The following C6orf163 variants were observed in gnomAD, a reference collection of about 807,000 sequenced individuals.
C6orf163 encodes uncharacterized protein C6orf163.
In C6orf163, 22 loss-of-function variants were observed where a neutral mutation model predicts 28.4. The ratio of observed to expected loss-of-function variants is 0.78; its 90% CI spans 0.55 to 1.11. C6orf163 has a LOEUF of 1.11. Among genes scored for constraint, C6orf163 ranks in the 50% least tolerant of loss-of-function variants. The pLI, the probability that C6orf163 is intolerant of heterozygous loss-of-function variation, is 0.00. For synonymous variants in C6orf163, 110 were observed against 123.6 expected (o/e 0.89, Z 0.73); for missense variants, 342 against 389.1 (o/e 0.88, Z 1.02).
At chr6:87,348,113 A>G in intron 1 of C6orf163, 1 of 796,974 alleles carries the variant, frequency 1.3e-6, no homozygotes, top group Non-Finnish European at 1.5e-6. Flanking sequence ...CGAAATGGCG[A>G]CACTGCACTG....
At position 87,365,103 on chromosome 6, in the gene C6orf163, C is replaced by T; in HGVS notation, c.697C>T (p.Gln233Ter). 1 of 1,551,934 alleles carries T rather than the reference C, an allele frequency of 6.4e-7. No individual in the cohort carries two copies. The highest frequency in any genetic ancestry group is 8.7e-7 in the Non-Finnish European group (1 of 1,147,062). The change falls in exon 5 of 5, where the codon CAG (glutamine) becomes TAG (stop). Residue 233 changes from glutamine to a stop codon, truncating the protein, a stop_gained. Coordinates refer to ENST00000388923, the MANE Select transcript of C6orf163 (RefSeq NM_001010868.3). LOFTEE classifies it high-confidence loss of function. ...IAQRQRQEEV[Q>*]EVLQEAEKTH... ...TCAGAGGCAGAGGCAAGAAGAGGTA[C>T]AGGAAGTGCTTCAAGAAGCAGAGAA...
intron 1 of C6orf163, among the ~76,000 whole-genome samples, chr6:87,345,732 G>A (rs1450071155): frequency 6.6e-6 from 1 of 151,878 alleles, no homozygotes; most frequent in Non-Finnish European, 1.5e-5. Flanking sequence ...GACCAGCCTG[G>A]CCAACATGGC....
chr6:87,348,762 C>G, intron 1 of C6orf163, 50 bp from the exon 2 acceptor site: 1 of 1,529,072 alleles, frequency 6.5e-7, no homozygotes, highest in Non-Finnish European at 8.7e-7. Flanking sequence ...GAAAGGAAAG[C>G]CAGGAAGCAG....
chr6:87,353,525 C>CT (rs1266802681), intron 3 of C6orf163, among the ~76,000 whole-genome samples: 1 of 151,520 alleles, frequency 6.6e-6, no homozygotes, highest in Non-Finnish European at 1.5e-5. Context: ...TTGACACTGG[C>CT]TTTTTTTCCT....
At chr6:87,354,643 A>C (rs925817116) in intron 3 of C6orf163, among the ~76,000 whole-genome samples, 3 of 152,244 alleles carry the variant, frequency 2.0e-5, no homozygotes, top group African/African-American at 7.2e-5. Context: ...TTTCCTAAAA[A>C]GATTTTCTAA....
At chr6:87,358,345 C>T (rs6901494) in intron 4 of C6orf163, 16,318 of 151,918 alleles carry the variant, frequency 0.11, 919 homozygotes, top group East Asian at 0.13. Flanking sequence ...CGGTGGTTCA[C>T]GCCTGTAATC....
intron 1 of C6orf163, chr6:87,347,556 A>C (rs1777344718): frequency 6.1e-6 from 6 of 985,420 alleles, no homozygotes; most frequent in Non-Finnish European, 7.2e-6. Context: ...ACCGTAATAT[A>C]TGCTGCCCTG....
intron 2 of C6orf163, among the ~76,000 whole-genome samples, chr6:87,349,459 G>A (rs1777378185): frequency 6.6e-6 from 1 of 152,020 alleles, no homozygotes; most frequent in Non-Finnish European, 1.5e-5. Context: ...CACTATAAGG[G>A]CAATTTGAAT....
Position 87,344,862 on chromosome 6 carries a change from T to C in C6orf163, c.-238T>C. 9.1e-6 allele frequency: 3 copies of C among 329,758 alleles called. No homozygotes were observed. Among genetic ancestry groups the C allele is most frequent in the Non-Finnish European group, 1.6e-5 (3 of 182,646 alleles). 20.4% of individuals were successfully genotyped at this position (329,758 alleles called of 1,614,324 possible). On this transcript the variant is annotated 5_prime_UTR_variant, in exon 1 of 5. Coordinates refer to ENST00000388923, the MANE Select transcript of C6orf163 (RefSeq NM_001010868.3). ...CTGGGAAGGAGCAACTACTTAAATC[T>C]TCCCAAATCTGGTGCCCATACCTTC...
At chr6:87,363,929 A>C (rs1035619336) in intron 4 of C6orf163, among the ~76,000 whole-genome samples, 2 of 152,232 alleles carry the variant, frequency 1.3e-5, no homozygotes, top group African/African-American at 4.8e-5. Flanking sequence ...TATCACAATA[A>C]ATTGAAACAG....
chr6:87,359,693 G>A (rs1357527908), intron 4 of C6orf163, among the ~76,000 whole-genome samples: 2 of 152,144 alleles, frequency 1.3e-5, no homozygotes, highest in Admixed American at 6.5e-5. Flanking sequence ...ATCAGATTAT[G>A]TTTTTATTTA....
At chr6:87,361,737 C>T (rs781032004) in intron 4 of C6orf163, among the ~76,000 whole-genome samples, 32 of 152,210 alleles carry the variant, frequency 2.1e-4, no homozygotes, top group Non-Finnish European at 1.0e-4. Context: ...TCCTGTGACC[C>T]GGGTTGAAAA....
intron 3 of C6orf163, among the ~76,000 whole-genome samples, chr6:87,352,170 T>C (rs1056443727): frequency 1.3e-5 from 2 of 152,214 alleles, no homozygotes; most frequent in Admixed American, 6.5e-5. Flanking sequence ...TTTTTACTTA[T>C]GAAGGAATGA....
chr6:87,352,555 A>G (rs1472557583), intron 3 of C6orf163, among the ~76,000 whole-genome samples: 1 of 152,206 alleles, frequency 6.6e-6, no homozygotes, highest in Non-Finnish European at 1.5e-5. Context: ...TGGATAGGTA[A>G]TCTTTTGAAA....
In C6orf163 at chr6:87,361,700, T is replaced by A. The variant is rs544445606; in HGVS notation, c.555-3261T>A. Among the ~76,000 whole-genome samples, 6 of 152,308 alleles carry A rather than the reference T, an allele frequency of 3.9e-5. No individual in the cohort carries two copies. The South Asian group carries it at 1.2e-3, about 32-fold the overall frequency. On this transcript the variant is annotated intron_variant, in intron 4 of 4. Coordinates refer to ENST00000388923, the MANE Select transcript of C6orf163 (RefSeq NM_001010868.3). Reference sequence around the variant, plus strand: ...CACACTGCCCACTCTATACACAGCATCACTTCTATTAATGGAACCTCCATT... The same window carrying A: ...CACACTGCCCACTCTATACACAGCAACACTTCTATTAATGGAACCTCCATT...
chr6:87,348,329 T>C, intron 1 of C6orf163: 1 of 986,096 alleles, frequency 1.0e-6, no homozygotes, highest in Non-Finnish European at 1.2e-6. Flanking sequence ...TTCTACCCCT[T>C]AGCTCACTCC....
At chr6:87,349,945 C>A (rs1011565697) in intron 2 of C6orf163, among the ~76,000 whole-genome samples, 1 of 152,166 alleles carries the variant, frequency 6.6e-6, no homozygotes, top group Non-Finnish European at 1.5e-5. Context: ...AGTTAAAGTT[C>A]TTTCTGAAGA....
In C6orf163 at chr6:87,356,325, G is replaced by C; in HGVS notation, c.376G>C (p.Glu126Gln). 1 of 1,551,716 alleles carries C rather than the reference G, an allele frequency of 6.4e-7. No homozygotes were observed. The highest frequency in any genetic ancestry group is 8.7e-7 in the Non-Finnish European group (1 of 1,147,002). Residue 126 changes from glutamate to glutamine, a missense_variant, in exon 4 of 5, where the codon GAG becomes CAG. Physicochemically the swap from Glu to Gln is conservative, Grantham distance 29. Coordinates refer to ENST00000388923, the MANE Select transcript of C6orf163 (RefSeq NM_001010868.3). ...GGAAGTGACAGCTAAAACTAAGACA[G>C]AGATGTATCAAAACATGGATGACGA... is the stretch of plus-strand genomic sequence containing the variant. ...LQEVTAKTKT[E>Q]MYQNMDDEMK...
At chr6:87,354,329 T>C (rs1777465199) in intron 3 of C6orf163, among the ~76,000 whole-genome samples, 1 of 152,176 alleles carries the variant, frequency 6.6e-6, no homozygotes. Flanking sequence ...AGAGCAAAGA[T>C]TAAATTTCAA....
Sources: allele counts gnomAD v4.1 joint callset (sites outside exome capture counted in the v4.1 genomes callset), GRCh38; gene constraint gnomAD v4.1.1; transcripts MANE v1.5; gene names NCBI Gene and HGNC (gene_info 2026-07-23, HGNC 2026-07-21).